Variants in DYSF observed in about 807,000 individuals in gnomAD.
DYSF encodes the protein dysferlin, also known as dystrophy-associated fer-1-like 1.
Under a neutral mutation model 274.9 loss-of-function variants are expected in DYSF, and 212 were observed. The observed-to-expected ratio is 0.77, with a 90% CI of 0.69 to 0.86. The LOEUF (loss-of-function observed/expected upper bound fraction) is 0.86. Among genes scored for constraint, DYSF ranks in the 40% least tolerant of loss-of-function variants. DYSF has a pLI of 0.00. For synonymous variants in DYSF, 1,091 were observed against 1,078.7 expected, an observed-to-expected ratio of 1.01 and a Z score of -0.22; for missense variants, 2,666 against 2,783.2, an observed-to-expected ratio of 0.96 and a Z score of 0.95.
At chr2:71,526,411 T>TGGGGGGGGGGGGGG in intron 13 of DYSF, 65 bp downstream of exon 13, 13 of 306,890 alleles carry the variant, frequency 4.2e-5, no homozygotes, top group Non-Finnish European at 5.5e-5. Flanking sequence ...CTGGTGGGGG[T>TGGGGGGGGGGGGGG]GGGCGATGGC....
chr2:71,611,250 G>C lies in DYSF; in HGVS notation c.3963G>C (p.Glu1321Asp). 6.2e-7 allele frequency: 1 copy of C among 1,613,266 alleles called. No individual in the cohort carries two copies. The highest frequency in any genetic ancestry group is 8.5e-7 in the Non-Finnish European group (1 of 1,179,252). ...QETSRILDES[E>D]DTDLPYPPPQ... ...CTACCTGCTGTCCACTGCAGTCTGA[G>C]GACACAGACCTGCCCTACCCACCAC... Residue 1321 changes from glutamate (E) to aspartate (D), a missense_variant, in exon 37 of 56, where the codon GAG becomes GAC. Glu to Asp is a conservative substitution (Grantham distance 45, BLOSUM62 2). Transcript: ENST00000410020.
At chr2:71,539,316 G>C (rs1182452487) in intron 17 of DYSF, 77 bp downstream of exon 17, 11 of 1,304,534 alleles carry the variant, frequency 8.4e-6, no homozygotes, top group South Asian at 1.2e-5. Flanking sequence ...TACACTTCTA[G>C]TTTTGAGAGT....
At chr2:71,618,208 A>G (rs62651677) in intron 40 of DYSF, among the ~76,000 whole-genome samples, 46,379 of 49,480 alleles carry the variant, frequency 0.94, 21,661 homozygotes, top group African/African-American at 0.97. Flanking sequence ...TAGAGATGGG[A>G]TGTGTGTGTG....
At chr2:71,523,111 C>T (rs1009596113) in intron 12 of DYSF, among the ~76,000 whole-genome samples, 5 of 152,188 alleles carry the variant, frequency 3.3e-5, no homozygotes, top group African/African-American at 7.2e-5. Context: ...CACAGTGCTT[C>T]GGCAATGATC....
At chr2:71,587,292 C>T (rs1238904943) in intron 30 of DYSF, among the ~76,000 whole-genome samples, 1 of 152,180 alleles carries the variant, frequency 6.6e-6, no homozygotes, top group Non-Finnish European at 1.5e-5. Context: ...GATTTCAGGC[C>T]TTTGGGTCCG....
chr2:71,520,923 G>A lies in DYSF; in HGVS notation c.1149+19G>A. The A allele has an allele frequency of 1.2e-6, 2 of 1,612,494 alleles. No individual in the cohort carries two copies. The highest frequency in any genetic ancestry group is 1.7e-6 in the Non-Finnish European group (2 of 1,178,620). On this transcript the variant is annotated intron_variant, in intron 12 of 55. Transcript: ENST00000410020. ...AGCGCCTGTGAGTACATTTCCCTGG[G>A]TCTTCCTTACGGTCCCCCACGCGGC...
intron 36 of DYSF, chr2:71,611,001 T>C (rs1000420935): frequency 1.8e-6 from 1 of 557,098 alleles, no homozygotes; most frequent in Non-Finnish European, 3.3e-6. Context: ...CGGGATTCAG[T>C]TGGAACAAGG....
In DYSF at chr2:71,644,020, A is replaced by C; in HGVS notation, c.4583A>C (p.Glu1528Ala). The C allele has an allele frequency of 6.2e-7, 1 of 1,612,680 alleles. No homozygotes were observed. Among genetic ancestry groups the C allele is most frequent in the Non-Finnish European group, 8.5e-7 (1 of 1,179,462 alleles). Residue 1528 changes from glutamate to alanine, a missense_variant, in exon 42 of 56, where the codon GAA becomes GCA. Around this residue, in one of 3 missense-constraint regions of DYSF, gnomAD observed 1,460 missense variants for 1,502.1 expected, o/e 0.97. Transcript: ENST00000410020. ...SKFFASIGER[E>A]KCGSYLEKDF... ...TTCTTTGCCTCCATAGGGGAGAGGG[A>C]AAAGTGCGGCTCCTACCTGGAGAAG...
At chr2:71,488,724 C>T (rs1051481619) in intron 3 of DYSF, among the ~76,000 whole-genome samples, 1 of 152,158 alleles carries the variant, frequency 6.6e-6, no homozygotes, top group African/African-American at 2.4e-5. Context: ...CCTTTAAAGA[C>T]GCTCTCTTAG....
intron 12 of DYSF, among the ~76,000 whole-genome samples, chr2:71,523,308 T>G (rs1214510631): frequency 6.6e-6 from 1 of 152,218 alleles, no homozygotes; most frequent in African/African-American, 2.4e-5. Flanking sequence ...ACATTTATGC[T>G]TAGGTCCCAT....
chr2:71,586,506 T>C lies in DYSF; in HGVS notation c.3403-3087T>C, dbSNP rs138292072. ...ATGAGGGGCATTCTCAGTGGGAGCG[T>C]TGGTTCCTCCCCCTGCAGGACAGTC... On this transcript the variant is annotated intron_variant, in intron 30 of 55. Coordinates refer to ENST00000410020, the MANE Select transcript of DYSF (RefSeq NM_001130987.2). 6.0e-4 allele frequency among the ~76,000 whole-genome samples: 91 copies of C among 151,832 alleles called. 1 individual carries two copies. Among genetic ancestry groups the C allele is most frequent in the Non-Finnish European group, 1.2e-3 (83 of 67,902 alleles).
chr2:71,614,176 T>C (rs946861126), intron 40 of DYSF, among the ~76,000 whole-genome samples: 1 of 152,136 alleles, frequency 6.6e-6, no homozygotes, highest in African/African-American at 2.4e-5. Context: ...ACAGTAGACA[T>C]GGAGAAAGGT....
At position 71,599,271 on chromosome 2, in the gene DYSF, G is replaced by A. The variant is rs112254804; in HGVS notation, c.3756+526G>A. ...CACAGGACCTCCTGTGGTGACAGGC[G>A]AGCTCTAGGGCTGTGCTGTCCAAAA... On this transcript the variant is annotated intron_variant, in intron 33 of 55. Coordinates refer to ENST00000410020, the MANE Select transcript of DYSF (RefSeq NM_001130987.2). 2.5e-3 allele frequency among the ~76,000 whole-genome samples: 385 copies of A among 152,254 alleles called. 4 individuals carry two copies. The highest frequency in any genetic ancestry group is 8.6e-3 in the African/African-American group (358 of 41,550).
chr2:71,612,494 G>A (rs933226389), intron 38 of DYSF, 147 bp from the exon 39 acceptor site: 7 of 1,248,738 alleles, frequency 5.6e-6, no homozygotes, highest in East Asian at 2.4e-5. Flanking sequence ...GGCTTCGCTC[G>A]ACTGCCCAGC....
intron 3 of DYSF, among the ~76,000 whole-genome samples, chr2:71,489,523 G>T (rs1233886572): frequency 6.6e-6 from 1 of 152,242 alleles, no homozygotes; most frequent in African/African-American, 2.4e-5. Context: ...TGCCATCTGG[G>T]CGGAGGCAAG....
At chr2:71,510,625 TATGTC>T (rs981762312) in intron 4 of DYSF, among the ~76,000 whole-genome samples, 1 of 152,138 alleles carries the variant, frequency 6.6e-6, no homozygotes, top group African/African-American at 2.4e-5. Flanking sequence ...AAGAGCTGAG[TATGTC>T]GGGAGCCTTC....
At chr2:71,550,936 G>C (rs553170520) in intron 17 of DYSF, 105 bp from the exon 18 acceptor site, 5 of 903,084 alleles carry the variant, frequency 5.5e-6, no homozygotes, top group East Asian at 2.4e-5. Context: ...GTGCATGTGG[G>C]GGGGAACTGA....
intron 4 of DYSF, among the ~76,000 whole-genome samples, chr2:71,511,432 T>A (rs1251137863): frequency 6.6e-6 from 1 of 152,114 alleles, no homozygotes; most frequent in African/African-American, 2.4e-5. Flanking sequence ...TGAGGTTGGA[T>A]CCCTGATTCA....
At chr2:71,685,097 G>C (rs944879508) in intron 55 of DYSF, among the ~76,000 whole-genome samples, 9 of 152,208 alleles carry the variant, frequency 5.9e-5, no homozygotes, top group Non-Finnish European at 7.4e-5. Context: ...CAGGGGCCTG[G>C]GGAAGGAGGC....
Sources: gnomAD v4.1 joint callset for allele counts (sites outside exome capture counted in the v4.1 genomes callset) on GRCh38, gnomAD v4.1.1 for gene constraint, gnomAD v4.1.1 regional missense constraint, MANE v1.5 for transcripts, NCBI Gene and HGNC (gene_info 2026-07-23, HGNC 2026-07-21) for gene names.